TOP3A: variants seen among roughly 807,000 people sequenced by gnomAD.
TOP3A encodes the protein DNA topoisomerase III alpha.
In TOP3A, 64 loss-of-function variants were observed where a neutral mutation model predicts 111.3. The observed-to-expected ratio is 0.57, with a 90% CI of 0.47 to 0.71. The LOEUF (loss-of-function observed/expected upper bound fraction) is 0.71, where lower values mean the gene tolerates loss of function less well. TOP3A is among the 30% of genes least tolerant of loss of function. TOP3A has a pLI of 0.00. For synonymous variants in TOP3A, 484 were observed against 485.1 expected (o/e 1.00, Z 0.03); for missense variants, 1,104 against 1,285.0 (o/e 0.86, Z 2.15).
chr17:18,273,480 G>A lies in TOP3A; in HGVS notation c.*1322C>T, dbSNP rs1979124324. The stretch of plus-strand genomic sequence containing the variant: ...GAAAGGGAGGAAGGGCTCTCCACAT[G>A]GGACACAAGGGACAGCCATGAAGGA... On this transcript the variant is annotated 3_prime_UTR_variant, in exon 19 of 19. Transcript: ENST00000321105. 1.3e-5 allele frequency: 2 copies of A among 152,188 alleles called. No individual in the cohort carries two copies. Among genetic ancestry groups the A allele is most frequent in the African/African-American group, 2.4e-5 (1 of 41,436 alleles). The allele number at this position is 152,188 out of a possible 1,614,324, so 9.4% of individuals were successfully genotyped here.
At position 18,285,307 on chromosome 17, in the gene TOP3A, C is replaced by T; in HGVS notation, c.1712G>A (p.Gly571Asp). 6.2e-7 allele frequency: 1 copy of T among 1,614,122 alleles called. No individual in the cohort carries two copies. Among genetic ancestry groups the T allele is most frequent in the Non-Finnish European group, 8.5e-7 (1 of 1,179,996 alleles). Residue 571 changes from glycine to aspartate, a missense_variant and splice_region_variant, in exon 15 of 19, where the codon GGT (glycine) becomes GAT (aspartate). Gly to Asp is a moderately conservative substitution (Grantham distance 94). Coordinates refer to ENST00000321105, the MANE Select transcript of TOP3A (RefSeq NM_004618.5). ...PGHLGMGLVE[G>D]YDSMGYEMSK... is the part of the protein sequence containing the mutation. Reference sequence around the variant, plus strand: ...CATTTCATAGCCCATGGAATCATAACCTGCAGGGAGAGAGTCGAGCTCAGT... The same window carrying T: ...CATTTCATAGCCCATGGAATCATAATCTGCAGGGAGAGAGTCGAGCTCAGT...
Position 18,302,614 on chromosome 17 carries a change from A to G in TOP3A, c.609T>C (p.Ala203=). The change falls in exon 6 of 19, where the codon GCT becomes GCC. Residue 203 remains alanine, a synonymous_variant. Coordinates refer to ENST00000321105, the MANE Select transcript of TOP3A (RefSeq NM_004618.5). ...LTEPDQRVSD[A]VDVRQELDLR... ...GGTCCAGCTCCTGCCTCACATCCAC[A>G]GCATCGCTCACCCTCTGATCAGGCT... 1 of 1,614,216 alleles carries G rather than the reference A, an allele frequency of 6.2e-7. No homozygotes were observed. The highest frequency in any genetic ancestry group is 8.5e-7 in the Non-Finnish European group (1 of 1,180,042).
intron 5 of TOP3A, among the ~76,000 whole-genome samples, chr17:18,303,431 TTGAGA>T (rs1280106818): frequency 6.6e-6 from 1 of 152,082 alleles, no homozygotes; most frequent in African/African-American, 2.4e-5. Context: ...CTCTATGCGG[TTGAGA>T]TAAGAAGGCA....
At chr17:18,304,325 T>C (rs1356205907) in intron 5 of TOP3A, among the ~76,000 whole-genome samples, 1 of 152,214 alleles carries the variant, frequency 6.6e-6, no homozygotes, top group African/African-American at 2.4e-5. Flanking sequence ...AAAAATATTG[T>C]CAATTAAAGG....
chr17:18,281,548 T>C (rs1417239585), intron 16 of TOP3A, among the ~76,000 whole-genome samples: 1 of 152,162 alleles, frequency 6.6e-6, no homozygotes, highest in Non-Finnish European at 1.5e-5. Flanking sequence ...AACCTACCGA[T>C]AGCAAGGAAA....
intron 9 of TOP3A, among the ~76,000 whole-genome samples, chr17:18,297,394 C>T (rs1980878729): frequency 6.6e-6 from 1 of 152,202 alleles, no homozygotes; most frequent in African/African-American, 2.4e-5. Context: ...CATTGCACTC[C>T]AGCCTAGGCA....
At chr17:18,308,082 C>T (rs551924742) in intron 3 of TOP3A, among the ~76,000 whole-genome samples, 40 of 150,230 alleles carry the variant, frequency 2.7e-4, no homozygotes, top group African/African-American at 9.6e-4. Flanking sequence ...TGTGGTGGCA[C>T]GTGCCTATAG....
intron 1 of TOP3A, chr17:18,313,497 G>A: frequency 5.9e-6 from 1 of 169,598 alleles, no homozygotes; most frequent in Non-Finnish European, 1.3e-5. Context: ...AAGAGCCTGA[G>A]CCGCTGGAAC....
At chr17:18,285,541 AC>A in intron 13 of TOP3A, 21 bp from the exon 14 acceptor site, 1 of 1,607,028 alleles carries the variant, frequency 6.2e-7, no homozygotes, top group South Asian at 1.1e-5. Context: ...CTTGCTGGTT[AC>A]TCTGAGGTAA....
chr17:18,302,010 A>G (rs1190992149), intron 7 of TOP3A, 25 bp from the exon 8 acceptor site: 1 of 1,596,974 alleles, frequency 6.3e-7, no homozygotes, highest in Admixed American at 1.7e-5. Flanking sequence ...GACAAACAGA[A>G]AGGCTGTGTC....
intron 18 of TOP3A, among the ~76,000 whole-genome samples, chr17:18,277,243 C>T (rs1347079989): frequency 6.6e-6 from 1 of 150,962 alleles, no homozygotes; most frequent in East Asian, 1.9e-4. Flanking sequence ...CCAAGGGTCA[C>T]GACAGCTGCA....
chr17:18,295,660 T>C (rs1277072840), intron 9 of TOP3A, among the ~76,000 whole-genome samples: 1 of 151,416 alleles, frequency 6.6e-6, no homozygotes, highest in Admixed American at 6.6e-5. Flanking sequence ...GGTTTTGCCA[T>C]GTTGGCCAGG....
intron 12 of TOP3A, 63 bp downstream of exon 12, chr17:18,290,779 C>T (rs748524156): frequency 4.4e-6 from 7 of 1,594,304 alleles, no homozygotes; most frequent in Non-Finnish European, 6.0e-6. Context: ...TCCTGCTCCA[C>T]TAGAGAACTC....
At chr17:18,283,118 C>T (rs749865515) in intron 15 of TOP3A, among the ~76,000 whole-genome samples, 7 of 152,198 alleles carry the variant, frequency 4.6e-5, no homozygotes, top group Admixed American at 3.3e-4. Flanking sequence ...TGGTGGCTCA[C>T]GCCTGTAATC....
At chr17:18,298,236 C>T (rs1184875748) in intron 9 of TOP3A, among the ~76,000 whole-genome samples, 3 of 150,230 alleles carry the variant, frequency 2.0e-5, no homozygotes, top group Admixed American at 6.6e-5. Flanking sequence ...GCAGCCGCGC[C>T]GTCTGAGAAG....
chr17:18,303,520 A>G (rs1981369087), intron 5 of TOP3A, among the ~76,000 whole-genome samples: 1 of 152,208 alleles, frequency 6.6e-6, no homozygotes, highest in African/African-American at 2.4e-5. Flanking sequence ...CTGAGATAGG[A>G]GAAAACCACC....
chr17:18,276,750 A>G (rs1979395426), intron 18 of TOP3A, among the ~76,000 whole-genome samples: 1 of 152,202 alleles, frequency 6.6e-6, no homozygotes, highest in African/African-American at 2.4e-5. Context: ...GGAACCATTC[A>G]AAGTGCCTCC....
chr17:18,278,813 A>G (rs1230297974), intron 17 of TOP3A, among the ~76,000 whole-genome samples: 2 of 152,050 alleles, frequency 1.3e-5, no homozygotes, highest in East Asian at 3.9e-4. Context: ...CCCCATCTCT[A>G]CCAAAAATAC....
intron 8 of TOP3A, among the ~76,000 whole-genome samples, chr17:18,301,150 C>G (rs943799383): frequency 3.3e-5 from 5 of 152,188 alleles, no homozygotes; most frequent in Non-Finnish European, 5.9e-5. Context: ...CTAGAGAGCT[C>G]GGAATTTTAC....
Sources: gnomAD v4.1 joint callset for allele counts (sites outside exome capture counted in the v4.1 genomes callset) on GRCh38, gnomAD v4.1.1 for gene constraint, MANE v1.5 for transcripts, NCBI Gene and HGNC (gene_info 2026-07-23, HGNC 2026-07-21) for gene names.